Variants in KAT6A observed in about 807,000 individuals in gnomAD.
KAT6A encodes the protein lysine acetyltransferase 6A.
Under a neutral mutation model 198.4 loss-of-function variants are expected in KAT6A, and 9 were observed. The ratio of observed to expected loss-of-function variants is 0.05; its 90% CI spans 0.03 to 0.08. KAT6A has a LOEUF of 0.08. KAT6A is among the 10% of genes least tolerant of loss of function. The pLI is 1.00. For missense variants in KAT6A, 2,077 were observed against 2,509.9 expected (o/e 0.83, Z 3.69); for synonymous variants, 890 against 883.0 (o/e 1.01, Z -0.14).
intron 2 of KAT6A, among the ~76,000 whole-genome samples, chr8:41,996,970 AATAG>A (rs1251817613): frequency 2.0e-5 from 3 of 152,296 alleles, no homozygotes; most frequent in African/African-American, 7.2e-5. Context: ...AGGTACCTAG[AATAG>A]ACAAATTCAT....
At chr8:41,951,923 T>G (rs1822687481) in intron 9 of KAT6A, among the ~76,000 whole-genome samples, 1 of 152,146 alleles carries the variant, frequency 6.6e-6, no homozygotes, top group Non-Finnish European at 1.5e-5. Flanking sequence ...GTAGGCCCAG[T>G]GATTAATGGT....
chr8:41,983,395 T>C (rs1199768587), intron 3 of KAT6A, among the ~76,000 whole-genome samples: 22 of 152,256 alleles, frequency 1.4e-4, no homozygotes, highest in Admixed American at 6.5e-5. Context: ...GCCATTTTTA[T>C]GTTAGACTTT....
intron 2 of KAT6A, among the ~76,000 whole-genome samples, chr8:42,021,230 T>C (rs1826517808): frequency 1.3e-5 from 2 of 152,232 alleles, no homozygotes; most frequent in African/African-American, 4.8e-5. Flanking sequence ...CTATGTCATA[T>C]TAAAATTTAT....
At chr8:41,952,108 C>T (rs1015355712) in intron 9 of KAT6A, among the ~76,000 whole-genome samples, 13 of 152,188 alleles carry the variant, frequency 8.5e-5, no homozygotes, top group South Asian at 2.1e-4. Context: ...TATTACTTAA[C>T]GATTATTATT....
chr8:41,943,752 C>A lies in KAT6A; in HGVS notation c.2224G>T (p.Asp742Tyr). Residue 742 changes from aspartate (D) to tyrosine (Y), a missense_variant, in exon 13 of 17, where the codon GAC becomes TAC. Asp to Tyr is a radical substitution (Grantham distance 160, BLOSUM62 -3). This residue lies in a region of KAT6A where 127 missense variants were observed against 209.6 expected (regional missense o/e 0.61). Transcript: ENST00000265713. ...ACAAAAAGATGTGATACTCACTGGTCACTACGGAAGTCCAGCATTCGTAGG... is the reference window on the plus strand; with the variant it reads ...ACAAAAAGATGTGATACTCACTGGTAACTACGGAAGTCCAGCATTCGTAGG... ...HHLRMLDFRSDQFVIIRREKL... is the reference protein window; with the variant it reads ...HHLRMLDFRSYQFVIIRREKL... 1.2e-6 allele frequency: 2 copies of A among 1,608,126 alleles called. No homozygotes were observed. The highest frequency in any genetic ancestry group is 2.2e-5 in the South Asian group (2 of 90,866).
Position 41,929,975 on chromosome 8 carries a change from T to C in KAT6A, c.*2230A>G, listed in dbSNP as rs1425006819. 1.9e-5 allele frequency: 4 copies of C among 215,754 alleles called. No individual in the cohort carries two copies. The highest frequency in any genetic ancestry group is 3.7e-5 in the Non-Finnish European group (4 of 107,114). 13.4% of individuals were successfully genotyped at this position (215,754 alleles called of 1,614,324 possible). On this transcript the variant is annotated 3_prime_UTR_variant, in exon 17 of 17. Coordinates refer to ENST00000265713, the MANE Select transcript of KAT6A (RefSeq NM_006766.5). ...CCCAAGTTATCTTGCTAAAAATACA[T>C]TTTTTTTAAACAGAAGTGAAAAAAT... is the stretch of plus-strand genomic sequence containing the variant.
chr8:42,044,503 C>T (rs770322719), intron 2 of KAT6A, among the ~76,000 whole-genome samples: 22 of 152,100 alleles, frequency 1.4e-4, no homozygotes, highest in African/African-American at 4.6e-4. Flanking sequence ...TCCTCTTAAA[C>T]GTATTCCAAC....
intron 8 of KAT6A, among the ~76,000 whole-genome samples, chr8:41,971,510 G>C (rs1295465710): frequency 6.6e-6 from 1 of 152,174 alleles, no homozygotes; most frequent in Non-Finnish European, 1.5e-5. Flanking sequence ...CTGAGGAAGA[G>C]GAGGCGGCTG....
chr8:41,953,314 T>C (rs1312904047), intron 9 of KAT6A, among the ~76,000 whole-genome samples: 1 of 152,198 alleles, frequency 6.6e-6, no homozygotes, highest in East Asian at 1.9e-4. Context: ...TTTCCATCTA[T>C]CTGTACTATA....
rs918370334 is a variant in KAT6A at position 41,959,512 on chromosome 8, C to T, written c.1483-4101G>A. 2.0e-5 allele frequency among the ~76,000 whole-genome samples: 3 copies of T among 152,130 alleles called. 1 individual carries two copies. Among genetic ancestry groups the T allele is most frequent in the East Asian group, 1.9e-4 (1 of 5,192 alleles). The stretch of plus-strand genomic sequence containing the variant: ...GCAATTCCACTGCTGATTATAGACC[C>T]CACAGAACTGAAAGCAGTTCTTTGT... On this transcript the variant is annotated intron_variant, in intron 8 of 16. Transcript: ENST00000265713.
rs749567571 is a variant in KAT6A at position 41,934,541 on chromosome 8, C to T, written c.3679G>A (p.Glu1227Lys). The T allele has an allele frequency of 5.6e-6, 9 of 1,613,906 alleles. No homozygotes were observed. The Admixed American group carries it at 1.5e-4, about 27-fold the overall frequency. Residue 1227 changes from glutamate (E) to lysine (K), a missense_variant, in exon 17 of 17, where the codon GAG becomes AAG. By Grantham distance (56) the Glu-to-Lys change is moderately conservative. Coordinates refer to ENST00000265713, the MANE Select transcript of KAT6A (RefSeq NM_006766.5). ...MPLPEERKEEEEMQAEAEEAE... is the reference protein window; with the variant it reads ...MPLPEERKEEKEMQAEAEEAE... Reference sequence around the variant, plus strand: ...TCTTCTGCCTCTGCTTGCATCTCCTCCTCCTCCTTCCTCTCCTCGGGTAGG... The same window carrying T: ...TCTTCTGCCTCTGCTTGCATCTCCTTCTCCTCCTTCCTCTCCTCGGGTAGG...
intron 2 of KAT6A, among the ~76,000 whole-genome samples, chr8:42,009,909 A>C (rs866235613): frequency 5.1e-4 from 71 of 138,554 alleles, no homozygotes; most frequent in East Asian, 2.2e-3. Flanking sequence ...AAAAAAAAAA[A>C]AAAAACAAAA....
In KAT6A at chr8:41,929,989, A is replaced by C; in HGVS notation, c.*2216T>G. ...CTAAAAATACATTTTTTTTAAACAG[A>C]AGTGAAAAAATGACAGGTACCAATA... On this transcript the variant is annotated 3_prime_UTR_variant, in exon 17 of 17. Coordinates refer to ENST00000265713, the MANE Select transcript of KAT6A (RefSeq NM_006766.5). The C allele has an allele frequency of 4.5e-6, 1 of 221,086 alleles. No homozygotes were observed. The allele number at this position is 221,086 out of a possible 1,614,324, so 13.7% of individuals were successfully genotyped here.
At chr8:41,989,095 T>C (rs1293301319) in intron 2 of KAT6A, among the ~76,000 whole-genome samples, 2 of 152,116 alleles carry the variant, frequency 1.3e-5, no homozygotes, top group African/African-American at 4.8e-5. Context: ...GACTTAAGTT[T>C]TTCCAGAAGT....
At chr8:41,966,820 T>TA (rs1347214495) in intron 8 of KAT6A, among the ~76,000 whole-genome samples, 1 of 152,152 alleles carries the variant, frequency 6.6e-6, no homozygotes, top group Non-Finnish European at 1.5e-5. Flanking sequence ...ACATCCCGTA[T>TA]ACAGAATAAT....
At chr8:41,986,534 G>A (rs1187616722) in intron 3 of KAT6A, among the ~76,000 whole-genome samples, 1 of 151,934 alleles carries the variant, frequency 6.6e-6, no homozygotes, top group East Asian at 1.9e-4. Context: ...GTTAAATACT[G>A]AAATGTAAAG....
At chr8:42,049,958 C>T (rs1239645435) in intron 1 of KAT6A, among the ~76,000 whole-genome samples, 6 of 152,220 alleles carry the variant, frequency 3.9e-5, no homozygotes, top group Admixed American at 3.9e-4. Flanking sequence ...AATCCACTTT[C>T]ATTCAAATTT....
intron 2 of KAT6A, among the ~76,000 whole-genome samples, chr8:42,029,611 C>G (rs1350269912): frequency 1.3e-5 from 2 of 149,570 alleles, no homozygotes; most frequent in African/African-American, 4.9e-5. Flanking sequence ...GTTGCCCAGA[C>G]TGGAGTGCAG....
intron 2 of KAT6A, among the ~76,000 whole-genome samples, chr8:41,996,087 C>G (rs540066288): frequency 2.0e-5 from 3 of 152,154 alleles, no homozygotes; most frequent in Non-Finnish European, 2.9e-5. Context: ...TATTTTGTCT[C>G]TATTCTTAAA....
Sources: allele counts gnomAD v4.1 joint callset (sites outside exome capture counted in the v4.1 genomes callset), GRCh38; gene constraint gnomAD v4.1.1; regional missense constraint gnomAD v4.1.1; transcripts MANE v1.5; gene names NCBI Gene and HGNC (gene_info 2026-07-23, HGNC 2026-07-21).